The following COL4A3 variants were observed in gnomAD, a reference collection of about 807,000 sequenced individuals.
COL4A3 encodes the protein collagen type IV alpha 3 chain.
Under a neutral mutation model 217.4 loss-of-function variants are expected in COL4A3, and 135 were observed. The observed-to-expected ratio is 0.62, with a 90% CI of 0.54 to 0.72. COL4A3 has a LOEUF of 0.72. Ranked by LOEUF, COL4A3 falls within the 30% of genes least tolerant of loss-of-function variation. The pLI is 0.00. For missense variants in COL4A3, 1,868 were observed against 2,119.9 expected, an observed-to-expected ratio of 0.88 and a Z score of 2.33; for synonymous variants, 690 against 736.3, an observed-to-expected ratio of 0.94 and a Z score of 1.02.
At chr2:227,202,033 C>A (rs1176991653) in intron 1 of COL4A3, among the ~76,000 whole-genome samples, 1 of 152,206 alleles carries the variant, frequency 6.6e-6, no homozygotes, top group Non-Finnish European at 1.5e-5. Context: ...ACACTAAGCC[C>A]TGTTTAGCAG....
At position 227,279,896 on chromosome 2, in the gene COL4A3, C is replaced by CA. The variant is rs778293117; in HGVS notation, c.2223+11dup. On this transcript the variant is annotated splice_region_variant and intron_variant, in intron 29 of 51. Coordinates refer to ENST00000396578, the MANE Select transcript of COL4A3 (RefSeq NM_000091.5). Reference sequence around the variant, plus strand: ...CAGGCCTCCCAGGAGCCAAGGTATGCAAAAATTCAAGCTATCACAGAAGAG... The same window carrying CA: ...CAGGCCTCCCAGGAGCCAAGGTATGCAAAAAATTCAAGCTATCACAGAAGAG... The CA allele has an allele frequency of 1.4e-5, 22 of 1,594,800 alleles. No individual in the cohort carries two copies. Among genetic ancestry groups the CA allele is most frequent in the Non-Finnish European group, 1.8e-5 (21 of 1,169,142 alleles).
intron 9 of COL4A3, among the ~76,000 whole-genome samples, chr2:227,249,212 G>GCATATATATATATA (rs1553751604): frequency 3.0e-5 from 1 of 33,232 alleles, no homozygotes; most frequent in African/African-American, 1.0e-4. Context: ...AAATTAGCTA[G>GCATATATATATATA]TATATATATA....
At chr2:227,269,428 G>C (rs1210261834) in intron 23 of COL4A3, among the ~76,000 whole-genome samples, 3 of 152,160 alleles carry the variant, frequency 2.0e-5, no homozygotes, top group Non-Finnish European at 4.4e-5. Flanking sequence ...GCAGCATGCA[G>C]CCATTTAAAA....
chr2:227,217,599 T>C (rs567485306), intron 1 of COL4A3, among the ~76,000 whole-genome samples: 3 of 152,300 alleles, frequency 2.0e-5, no homozygotes, highest in African/African-American at 7.2e-5. Context: ...CACTATAGGA[T>C]GGTGGGTTTA....
intron 41 of COL4A3, among the ~76,000 whole-genome samples, chr2:227,296,067 C>T (rs908244292): frequency 6.6e-6 from 1 of 152,178 alleles, no homozygotes; most frequent in African/African-American, 2.4e-5. Flanking sequence ...TTGATGTTCA[C>T]GCAAACCAGC....
intron 1 of COL4A3, among the ~76,000 whole-genome samples, chr2:227,219,186 T>G (rs1316924176): frequency 6.6e-6 from 1 of 151,946 alleles, no homozygotes; most frequent in Non-Finnish European, 1.5e-5. Flanking sequence ...TTTAAGTAGA[T>G]ACGGAGGTTT....
intron 43 of COL4A3, among the ~76,000 whole-genome samples, chr2:227,302,503 C>G (rs1043899042): frequency 2.6e-5 from 4 of 151,722 alleles, no homozygotes; most frequent in African/African-American, 9.7e-5. Context: ...ATGGCGAAAC[C>G]CTGTCTCTAC....
intron 1 of COL4A3, among the ~76,000 whole-genome samples, chr2:227,197,452 A>T (rs977509330): frequency 1.3e-5 from 2 of 152,176 alleles, no homozygotes; most frequent in Non-Finnish European, 2.9e-5. Context: ...ACACTCTATG[A>T]TGTTTGCACA....
In COL4A3 at chr2:227,311,748, A is replaced by T. The variant is rs2106297676; in HGVS notation, c.4929-38A>T. The T allele has an allele frequency of 3.8e-6, 6 of 1,597,028 alleles. No homozygotes were observed. In the South Asian group the frequency reaches 5.6e-5, roughly 15 times the overall value. On this transcript the variant is annotated intron_variant, in intron 51 of 51. Transcript: ENST00000396578. ...ACTCAGCAAAAATTCCCTTTTATGC[A>T]TAAATAAATGAATTTTTTTGGTTTG...
At chr2:227,268,705 G>A (rs563462241) in intron 23 of COL4A3, 1 of 152,220 alleles carries the variant, frequency 6.6e-6, no homozygotes, top group East Asian at 1.9e-4. Flanking sequence ...GAAGGGGCAG[G>A]GGGGAGGTAG....
chr2:227,279,797 C>G lies in COL4A3; in HGVS notation c.2130C>G (p.Asp710Glu). ...TTTATTGTTTTTTCTCTGTAGGAGA[C>G]CAAGGTTTTCCAGGTACAAAAGGAT... ...GFPGPPGPKGDQGFPGTKGSL... is the reference protein window; with the variant it reads ...GFPGPPGPKGEQGFPGTKGSL... Residue 710 changes from aspartate to glutamate, a missense_variant, in exon 29 of 52, where the codon GAC becomes GAG. Asp to Glu is a conservative substitution (Grantham distance 45). Around this residue, in one of 2 missense-constraint regions of COL4A3, gnomAD observed 1,503 missense variants for 1,786.1 expected, o/e 0.84. Transcript: ENST00000396578. 6.2e-7 allele frequency: 1 copy of G among 1,605,330 alleles called. No homozygotes were observed. The highest frequency in any genetic ancestry group is 1.3e-5 in the African/African-American group (1 of 74,910).
At chr2:227,288,563 T>C (rs1234873031) in intron 34 of COL4A3, among the ~76,000 whole-genome samples, 2 of 152,240 alleles carry the variant, frequency 1.3e-5, no homozygotes, top group Non-Finnish European at 2.9e-5. Context: ...ACTTACCTAA[T>C]ACTTTATAAA....
chr2:227,253,474 G>C lies in COL4A3; in HGVS notation c.688-87G>C. ...TCTATCTTCCCGTATAAGCACTAAAGGGGAAAAGTAGACCTTTCAAACGTA... is the reference window on the plus strand; with the variant it reads ...TCTATCTTCCCGTATAAGCACTAAACGGGAAAAGTAGACCTTTCAAACGTA... On this transcript the variant is annotated intron_variant, in intron 12 of 51. Transcript: ENST00000396578. The surrounding 1 kb of genome is among the most constrained non-coding windows in gnomAD (Gnocchi z 4.4). 7.0e-7 allele frequency: 1 copy of C among 1,419,172 alleles called. No individual in the cohort carries two copies. Among genetic ancestry groups the C allele is most frequent in the Non-Finnish European group, 1.0e-6 (1 of 1,002,202 alleles). 87.9% of individuals were successfully genotyped at this position (1,419,172 alleles called of 1,614,324 possible). A position where few individuals can be genotyped will look rare whatever the true frequency, so the allele number is the denominator to read the frequency against.
chr2:227,222,754 C>CA lies in COL4A3; in HGVS notation c.88-15208dup, dbSNP rs775618327. On this transcript the variant is annotated intron_variant, in intron 1 of 51. Coordinates refer to ENST00000396578, the MANE Select transcript of COL4A3 (RefSeq NM_000091.5). ...GCAGTGAGAAGTGGGCATGTCAGGC[C>CA]AAAAAACCATGTGGAAAAGCACAGG... Among the ~76,000 whole-genome samples, 10 of 152,004 alleles carry CA rather than the reference C, an allele frequency of 6.6e-5. 1 individual carries two copies. Among genetic ancestry groups the CA allele is most frequent in the African/African-American group, 2.4e-4 (10 of 41,374 alleles).
At chr2:227,264,207 T>C (rs2070758435) in intron 21 of COL4A3, among the ~76,000 whole-genome samples, 1 of 152,146 alleles carries the variant, frequency 6.6e-6, no homozygotes, top group South Asian at 2.1e-4. Flanking sequence ...TGGGGAAGGA[T>C]GGGTGGCTAT....
At chr2:227,239,335 T>C (rs1187065807) in intron 2 of COL4A3, among the ~76,000 whole-genome samples, 1 of 152,236 alleles carries the variant, frequency 6.6e-6, no homozygotes, top group East Asian at 1.9e-4. Flanking sequence ...TATGGAAGGA[T>C]GTTCTAGGTT....
chr2:227,291,954 T>C (rs2072769516), intron 37 of COL4A3, among the ~76,000 whole-genome samples: 1 of 152,248 alleles, frequency 6.6e-6, no homozygotes, highest in African/African-American at 2.4e-5. Flanking sequence ...TAGAAGTTCC[T>C]ATAAGCAGAA....
At chr2:227,302,934 C>T (rs1051229339) in intron 43 of COL4A3, 104 bp from the exon 44 acceptor site, 1 of 748,178 alleles carries the variant, frequency 1.3e-6, no homozygotes, top group Non-Finnish European at 2.4e-6. Context: ...AGCTTATTCT[C>T]ACCCAACATA....
At chr2:227,287,026 T>C (rs2072368877) in intron 34 of COL4A3, among the ~76,000 whole-genome samples, 1 of 152,238 alleles carries the variant, frequency 6.6e-6, no homozygotes, top group Non-Finnish European at 1.5e-5. Flanking sequence ...AGACACATAA[T>C]GGGTCCATAA....
Sources: allele counts gnomAD v4.1 joint callset (sites outside exome capture counted in the v4.1 genomes callset), GRCh38; gene constraint gnomAD v4.1.1; regional missense constraint gnomAD v4.1.1; non-coding constraint Gnocchi (gnomAD v3.1); transcripts MANE v1.5; gene names NCBI Gene and HGNC (gene_info 2026-07-23, HGNC 2026-07-21).